The following TYW1 variants were observed in gnomAD, a reference collection of about 807,000 sequenced individuals.
The protein encoded by TYW1 is tRNA-yW synthesizing protein 1 homolog.
In TYW1, 46 loss-of-function variants were observed where a neutral mutation model predicts 96.2. That is an observed-to-expected ratio of 0.48 (90% confidence interval 0.38 to 0.61). The LOEUF (loss-of-function observed/expected upper bound fraction) is 0.61, where lower values mean the gene tolerates loss of function less well. TYW1 is among the 20% of genes least tolerant of loss of function. The pLI is 0.00. For missense variants in TYW1, 684 were observed against 909.6 expected (o/e 0.75, Z 3.19); for synonymous variants, 274 against 323.0 (o/e 0.85, Z 1.63).
chr7:67,192,759 G>C (rs1800260973), intron 14 of TYW1, among the ~76,000 whole-genome samples: 1 of 152,126 alleles, frequency 6.6e-6, no homozygotes. Context: ...GGGTTTTTGA[G>C]GGGGGAAAAG....
At chr7:67,059,101 T>TC (rs1420313292) in intron 9 of TYW1, among the ~76,000 whole-genome samples, 1 of 149,150 alleles carries the variant, frequency 6.7e-6, no homozygotes, top group African/African-American at 2.5e-5. Flanking sequence ...ACAAAGTTTT[T>TC]TTTTTTTTTT....
At chr7:67,212,922 C>T (rs1801084856) in intron 15 of TYW1, among the ~76,000 whole-genome samples, 1 of 152,112 alleles carries the variant, frequency 6.6e-6, no homozygotes, top group South Asian at 2.1e-4. Context: ...GTTGCCCAAG[C>T]TGGAGTGCAA....
At chr7:67,019,084 G>A (rs1375328034) in intron 6 of TYW1, among the ~76,000 whole-genome samples, 2 of 151,322 alleles carry the variant, frequency 1.3e-5, no homozygotes, top group Admixed American at 1.3e-4. Flanking sequence ...CTTGTAACCC[G>A]ACTGGCCAAA....
intron 13 of TYW1, among the ~76,000 whole-genome samples, chr7:67,166,351 T>TGG (rs1799329275): frequency 2.9e-5 from 3 of 103,486 alleles, no homozygotes; most frequent in African/African-American, 1.2e-4. Context: ...AATATATAAT[T>TGG]ATATATAATA....
At position 67,239,228 on chromosome 7, in the gene TYW1, G is replaced by T. The variant is rs77759099; in HGVS notation, c.*699G>T. On this transcript the variant is annotated 3_prime_UTR_variant, in exon 16 of 16. Coordinates refer to ENST00000359626, the MANE Select transcript of TYW1 (RefSeq NM_018264.4). ...TGTCTGCTGTAAGAGGAGTGGCCAT[G>T]TGAGGGCATGGAGTCATTAGTCTCA... 33 of 985,496 alleles carry T rather than the reference G, an allele frequency of 3.3e-5. No individual in the cohort carries two copies. In the East Asian group the frequency reaches 3.7e-3, roughly 112 times the overall value. 61.0% of individuals were successfully genotyped at this position (985,496 alleles called of 1,614,324 possible). A position where few individuals can be genotyped will look rare whatever the true frequency, so the allele number is the denominator to read the frequency against.
At position 67,102,384 on chromosome 7, in the gene TYW1, A is replaced by G. The variant is rs139092774; in HGVS notation, c.1562+3666A>G. 1.9e-3 allele frequency among the ~76,000 whole-genome samples: 289 copies of G among 152,282 alleles called. 1 individual carries two copies. The highest frequency in any genetic ancestry group is 6.6e-3 in the African/African-American group (276 of 41,560). On this transcript the variant is annotated intron_variant, in intron 12 of 15. Transcript: ENST00000359626. ...CAGAGGGATTGTGGAATACGACAAG[A>G]TGTTCGTACTAGCCTTGATTGCCAT...
intron 7 of TYW1, among the ~76,000 whole-genome samples, chr7:67,041,182 G>A (rs1395091569): frequency 6.6e-6 from 1 of 152,136 alleles, no homozygotes; most frequent in Non-Finnish European, 1.5e-5. Context: ...TGATTGTTAG[G>A]TTACAGCAGG....
intron 13 of TYW1, among the ~76,000 whole-genome samples, chr7:67,180,424 A>ATATATATATATATATATATATATATATT (rs1341437613): frequency 1.2e-5 from 1 of 81,926 alleles, no homozygotes; most frequent in Non-Finnish European, 2.7e-5. Flanking sequence ...ATATATATAT[A>ATATATATATATATATATATATATATATT]ATTTTTTTTT....
intron 7 of TYW1, among the ~76,000 whole-genome samples, chr7:67,037,294 C>T (rs1287288066): frequency 2.0e-5 from 3 of 151,908 alleles, no homozygotes; most frequent in Non-Finnish European, 2.9e-5. Context: ...GATCACCTGA[C>T]GTCAGGAGAC....
chr7:67,062,732 G>A (rs1290627409), intron 9 of TYW1, among the ~76,000 whole-genome samples: 1 of 152,138 alleles, frequency 6.6e-6, no homozygotes, highest in East Asian at 1.9e-4. Flanking sequence ...CTCAAAAACC[G>A]TAACTTATTA....
chr7:67,224,546 CCTT>C (rs1801496511), intron 15 of TYW1, among the ~76,000 whole-genome samples: 1 of 152,328 alleles, frequency 6.6e-6, no homozygotes, highest in East Asian at 1.9e-4. Context: ...GTAAACTTAG[CCTT>C]CTTTTTTCTC....
At chr7:67,191,249 A>C (rs1800206736) in intron 14 of TYW1, among the ~76,000 whole-genome samples, 2 of 152,152 alleles carry the variant, frequency 1.3e-5, no homozygotes, top group African/African-American at 4.8e-5. Flanking sequence ...TTTCAGCATG[A>C]GGTTTGAACG....
intron 14 of TYW1, among the ~76,000 whole-genome samples, chr7:67,190,383 T>G (rs1336785310): frequency 6.6e-6 from 1 of 152,210 alleles, no homozygotes; most frequent in Non-Finnish European, 1.5e-5. Flanking sequence ...TAGCATAGAT[T>G]GATTTGGGGT....
chr7:67,095,707 G>GCCACACAACAACAACAACAACAACAA (rs1796886486), intron 11 of TYW1, among the ~76,000 whole-genome samples: 3 of 126,600 alleles, frequency 2.4e-5, no homozygotes, highest in African/African-American at 9.9e-5. Flanking sequence ...AACAGCAGCA[G>GCCACACAACAACAACAACAACAACAA]CAGCAGCAGC....
At chr7:67,132,417 C>G (rs1798109566) in intron 13 of TYW1, among the ~76,000 whole-genome samples, 1 of 152,228 alleles carries the variant, frequency 6.6e-6, no homozygotes, top group Middle Eastern at 3.4e-3. Flanking sequence ...GCCTATCATT[C>G]CATATTTATA....
At chr7:67,000,005 C>T (rs933170051) in intron 3 of TYW1, among the ~76,000 whole-genome samples, 4 of 151,568 alleles carry the variant, frequency 2.6e-5, no homozygotes, top group South Asian at 2.1e-4. Flanking sequence ...GTGCCATCTT[C>T]GCTCACTGCA....
intron 8 of TYW1, among the ~76,000 whole-genome samples, chr7:67,053,268 T>TTCTA (rs1305257390): frequency 3.3e-5 from 5 of 152,116 alleles, no homozygotes; most frequent in Non-Finnish European, 7.4e-5. Flanking sequence ...ATCTTTAGAT[T>TTCTA]TCTAGTCTGA....
At chr7:67,126,809 G>A (rs1797926822) in intron 13 of TYW1, among the ~76,000 whole-genome samples, 2 of 152,134 alleles carry the variant, frequency 1.3e-5, no homozygotes, top group Admixed American at 6.5e-5. Flanking sequence ...CCTGGGCTGT[G>A]TTCTGTTCCT....
intron 11 of TYW1, among the ~76,000 whole-genome samples, chr7:67,091,380 T>C (rs1485421436): frequency 3.4e-5 from 4 of 118,250 alleles, no homozygotes; most frequent in Admixed American, 1.3e-4. Flanking sequence ...CACTTAGACA[T>C]AGGAAGGGGA....
Sources: gnomAD v4.1 joint callset for allele counts (sites outside exome capture counted in the v4.1 genomes callset) on GRCh38, gnomAD v4.1.1 for gene constraint, MANE v1.5 for transcripts, NCBI Gene and HGNC (gene_info 2026-07-23, HGNC 2026-07-21) for gene names.